Variants in INTS9 observed in about 807,000 individuals in gnomAD.
The protein encoded by INTS9 is protein related to CPSF subunits of 74 kDa.
Under a neutral mutation model 79.7 loss-of-function variants are expected in INTS9, and 55 were observed. The ratio of observed to expected loss-of-function variants is 0.69; its 90% CI spans 0.56 to 0.86. INTS9 has a LOEUF of 0.86. Among genes scored for constraint, INTS9 ranks in the 40% least tolerant of loss-of-function variants. The pLI, the probability that INTS9 is intolerant of heterozygous loss-of-function variation, is 0.00. For synonymous variants in INTS9, 319 were observed against 325.2 expected (o/e 0.98, Z 0.20); for missense variants, 721 against 831.5 (o/e 0.87, Z 1.64).
At chr8:28,813,470 G>A in intron 7 of INTS9, 22 bp downstream of exon 7, 2 of 1,607,272 alleles carry the variant, frequency 1.2e-6, no homozygotes, top group Non-Finnish European at 1.7e-6. Context: ...ATGAATAACT[G>A]AAATGTAATA....
At chr8:28,780,227 TAAAAAAAAAAAAAAAAAAAAAAAAAAAA>T in intron 12 of INTS9, 3 of 36,350 alleles carry the variant, frequency 8.3e-5, no homozygotes, top group Non-Finnish European at 1.2e-4. Flanking sequence ...ACTGATGAGC[TAAAAAAAAAAAAAAAAAAAAAAAAAAAA>T]AAAAAAAAAA....
Position 28,775,756 on chromosome 8 carries a change from C to T in INTS9, c.1563+3G>A, listed in dbSNP as rs764785865. On this transcript the variant is annotated splice_donor_region_variant and intron_variant, in intron 14 of 16. Transcript: ENST00000521022. ...TTTAACCCTAGGAAGGAGAACAGCTCACCTCTGGCATGATCTCGATCTTCT... is the reference window on the plus strand; with the variant it reads ...TTTAACCCTAGGAAGGAGAACAGCTTACCTCTGGCATGATCTCGATCTTCT... 1.9e-6 allele frequency: 3 copies of T among 1,613,938 alleles called. No homozygotes were observed. The highest frequency in any genetic ancestry group is 2.2e-5 in the South Asian group (2 of 91,058).
intron 12 of INTS9, 144 bp downstream of exon 12, chr8:28,780,678 TC>T: frequency 6.9e-7 from 1 of 1,442,984 alleles, no homozygotes; most frequent in Non-Finnish European, 9.1e-7. Flanking sequence ...CTCTGCGGTT[TC>T]TTCATTCTTT....
At chr8:28,806,165 G>A (rs1350986531) in intron 8 of INTS9, among the ~76,000 whole-genome samples, 1 of 152,202 alleles carries the variant, frequency 6.6e-6, no homozygotes, top group Non-Finnish European at 1.5e-5. Context: ...CGGAGGCAGA[G>A]GCTGCAGTGA....
At chr8:28,883,644 GTA>G (rs1810013821) in intron 1 of INTS9, among the ~76,000 whole-genome samples, 1 of 152,180 alleles carries the variant, frequency 6.6e-6, no homozygotes, top group South Asian at 2.1e-4. Context: ...GAGCCCAAGG[GTA>G]TCTCTAATCA....
intron 6 of INTS9, among the ~76,000 whole-genome samples, chr8:28,829,905 A>T (rs1223922071): frequency 6.6e-6 from 1 of 152,222 alleles, no homozygotes; most frequent in Non-Finnish European, 1.5e-5. Flanking sequence ...GCTACGAGTC[A>T]GCTGCCCCTA....
chr8:28,811,406 G>A lies in INTS9; in HGVS notation c.744+921C>T, dbSNP rs572043252. Reference sequence around the variant, plus strand: ...CCCAAAGTGCTGGGATTACAGGCATGAGCCACCATACCCGGCCTTTTTTTT... The same window carrying A: ...CCCAAAGTGCTGGGATTACAGGCATAAGCCACCATACCCGGCCTTTTTTTT... On this transcript the variant is annotated intron_variant, in intron 8 of 16. Transcript: ENST00000521022. 1.3e-4 allele frequency among the ~76,000 whole-genome samples: 19 copies of A among 150,922 alleles called. No individual in the cohort carries two copies. The East Asian group carries it at 2.0e-3, about 16-fold the overall frequency.
intron 1 of INTS9, among the ~76,000 whole-genome samples, chr8:28,879,065 A>G (rs910853760): frequency 1.3e-5 from 2 of 152,206 alleles, no homozygotes; most frequent in African/African-American, 2.4e-5. Flanking sequence ...AAGAGGAAAC[A>G]TTTTCCAACG....
rs1563268485 is a variant in INTS9 at position 28,813,480 on chromosome 8, A to C, written c.609+12T>G. ...CATTCATGAATAACTGAAATGTAAT[A>C]TGAATACTCACAATTTTCTGAGAAT... On this transcript the variant is annotated intron_variant, in intron 7 of 16. Transcript: ENST00000521022. 1 of 1,611,372 alleles carries C rather than the reference A, an allele frequency of 6.2e-7. No individual in the cohort carries two copies. The highest frequency in any genetic ancestry group is 1.1e-5 in the South Asian group (1 of 90,864).
At chr8:28,871,330 T>C (rs1809082560) in intron 1 of INTS9, among the ~76,000 whole-genome samples, 1 of 152,226 alleles carries the variant, frequency 6.6e-6, no homozygotes, top group African/African-American at 2.4e-5. Flanking sequence ...AATACTTCTT[T>C]GAAAATCTTT....
chr8:28,778,706 G>A (rs1025568185), intron 12 of INTS9, among the ~76,000 whole-genome samples: 1 of 152,172 alleles, frequency 6.6e-6, no homozygotes, highest in African/African-American at 2.4e-5. Context: ...AAAAGACCTC[G>A]CTCGGTCCTA....
intron 10 of INTS9, among the ~76,000 whole-genome samples, chr8:28,790,481 C>A (rs549917068): frequency 5.9e-5 from 9 of 152,158 alleles, no homozygotes; most frequent in Non-Finnish European, 1.2e-4. Context: ...ACATGCACCA[C>A]CATACCCTGC....
chr8:28,852,641 T>C (rs1387037302), intron 2 of INTS9, among the ~76,000 whole-genome samples: 1 of 152,192 alleles, frequency 6.6e-6, no homozygotes, highest in Admixed American at 6.5e-5. Flanking sequence ...CCGTTCCCCA[T>C]CAGACCCACA....
chr8:28,813,341 A>G (rs1399374509), intron 7 of INTS9, 151 bp downstream of exon 7: 1 of 765,632 alleles, frequency 1.3e-6, no homozygotes, highest in Admixed American at 2.3e-5. Flanking sequence ...CACCAATAAA[A>G]TCCTGCGCGG....
chr8:28,876,966 G>C (rs1045553315), intron 1 of INTS9, among the ~76,000 whole-genome samples: 212 of 151,996 alleles, frequency 1.4e-3, no homozygotes, highest in African/African-American at 5.0e-3. Context: ...GAAAAGACAT[G>C]TCTTATTCTT....
At position 28,859,830 on chromosome 8, in the gene INTS9, T is replaced by C. The variant is rs540663583; in HGVS notation, c.10-267A>G. Among the ~76,000 whole-genome samples the C allele has an allele frequency of 3.9e-4, 59 of 152,280 alleles. 1 individual carries two copies. In the South Asian group the frequency reaches 0.012, roughly 31 times the overall value. The stretch of plus-strand genomic sequence containing the variant: ...TTACATGGGCCACAGTTATTCAAAA[T>C]AGAAGGTTTCAAGGCTATGGTTATT... On this transcript the variant is annotated intron_variant, in intron 1 of 16. Coordinates refer to ENST00000521022, the MANE Select transcript of INTS9 (RefSeq NM_018250.4).
intron 6 of INTS9, among the ~76,000 whole-genome samples, chr8:28,828,802 G>A (rs954940314): frequency 1.1e-4 from 16 of 151,850 alleles, no homozygotes; most frequent in Non-Finnish European, 2.2e-4. Context: ...AGGTTCAAGC[G>A]ATTCTCCTGC....
At chr8:28,880,649 C>T (rs1809689405) in intron 1 of INTS9, among the ~76,000 whole-genome samples, 1 of 148,448 alleles carries the variant, frequency 6.7e-6, no homozygotes, top group Admixed American at 6.7e-5. Flanking sequence ...CCCAAAGAGC[C>T]GAGATTGCAG....
intron 2 of INTS9, among the ~76,000 whole-genome samples, chr8:28,853,944 C>A (rs1397414565): frequency 6.6e-6 from 1 of 152,102 alleles, no homozygotes; most frequent in African/African-American, 2.4e-5. Flanking sequence ...TGGTCTCGAT[C>A]TCCTGACCTC....
Sources: allele counts gnomAD v4.1 joint callset (sites outside exome capture counted in the v4.1 genomes callset), GRCh38; gene constraint gnomAD v4.1.1; transcripts MANE v1.5; gene names NCBI Gene and HGNC (gene_info 2026-07-23, HGNC 2026-07-21).